HMCN2: variants seen among roughly 807,000 people sequenced by gnomAD.
HMCN2 encodes the protein hemicentin 2.
In HMCN2, 325 loss-of-function variants were observed where a neutral mutation model predicts 377.5. That is an observed-to-expected ratio of 0.86 (90% CI 0.79 to 0.94). HMCN2 has a LOEUF of 0.94. HMCN2 is among the 40% of genes least tolerant of loss of function. The pLI is 0.00. For missense variants in HMCN2, 4,543 were observed against 4,725.3 expected (o/e 0.96, Z 1.13); for synonymous variants, 2,007 against 2,046.8 (o/e 0.98, Z 0.53).
chr9:130,366,103 T>C lies in HMCN2; in HGVS notation c.6625+108T>C, dbSNP rs1010750717. The C allele has an allele frequency of 9.6e-6, 8 of 830,228 alleles. No individual in the cohort carries two copies. The Admixed American group carries it at 3.1e-4, about 32-fold the overall frequency. The allele number at this position is 830,228 out of a possible 1,614,324, so 51.4% of individuals were successfully genotyped here. A position where few individuals can be genotyped will look rare whatever the true frequency, so the allele number is the denominator to read the frequency against. On this transcript the variant is annotated intron_variant, in intron 43 of 97. Coordinates refer to ENST00000683500, the MANE Select transcript of HMCN2 (RefSeq NM_001291815.2). ...CCAGAGCCTAGCTGAGATGGGGGGGTCTTATACCTCGAGGGGGTGGGGATG... is the reference window on the plus strand; with the variant it reads ...CCAGAGCCTAGCTGAGATGGGGGGGCCTTATACCTCGAGGGGGTGGGGATG...
intron 22 of HMCN2, among the ~76,000 whole-genome samples, chr9:130,329,317 C>T (rs963306572): frequency 6.6e-6 from 1 of 152,194 alleles, no homozygotes; most frequent in African/African-American, 2.4e-5. Flanking sequence ...CAGATGAGTG[C>T]CTGCTTCCTT....
rs151108652 is a variant in HMCN2 at position 130,411,461 on chromosome 9, G to A, written c.12961+809G>A. Among the ~76,000 whole-genome samples the A allele has an allele frequency of 3.9e-3, 592 of 152,000 alleles. 6 individuals are homozygous for A. The highest frequency in any genetic ancestry group is 0.014 in the African/African-American group (578 of 41,480). On this transcript the variant is annotated intron_variant, in intron 85 of 97. Coordinates refer to ENST00000683500, the MANE Select transcript of HMCN2 (RefSeq NM_001291815.2). ...TACTAAAAATACAAAAATTAGCTGGGCGTGGTGGCACGCCTGTAATCCCAG... is the reference window on the plus strand; with the variant it reads ...TACTAAAAATACAAAAATTAGCTGGACGTGGTGGCACGCCTGTAATCCCAG...
chr9:130,356,815 C>G (rs994301959), intron 34 of HMCN2, among the ~76,000 whole-genome samples: 10 of 152,218 alleles, frequency 6.6e-5, no homozygotes, highest in Non-Finnish European at 1.5e-4. Flanking sequence ...CTGCCTTTCC[C>G]TGACTGTGTC....
At chr9:130,416,339 AG>A (rs1479999035) in intron 85 of HMCN2, among the ~76,000 whole-genome samples, 1 of 152,100 alleles carries the variant, frequency 6.6e-6, no homozygotes, top group Non-Finnish European at 1.5e-5. Flanking sequence ...TCCTGACTTA[AG>A]GTGATCCACC....
chr9:130,276,549 G>A (rs1188363958), intron 1 of HMCN2, among the ~76,000 whole-genome samples: 2 of 152,196 alleles, frequency 1.3e-5, no homozygotes, highest in Non-Finnish European at 2.9e-5. Context: ...CCATCACTGG[G>A]TGTTCAGGGA....
chr9:130,345,470 T>A (rs1839342118), intron 25 of HMCN2, among the ~76,000 whole-genome samples: 1 of 148,972 alleles, frequency 6.7e-6, no homozygotes, highest in Non-Finnish European at 1.5e-5. Flanking sequence ...GTGTATAGGG[T>A]GTGGTGTGTG....
intron 62 of HMCN2, among the ~76,000 whole-genome samples, chr9:130,389,199 G>A (rs1380276663): frequency 6.6e-6 from 1 of 152,236 alleles, no homozygotes; most frequent in Admixed American, 6.5e-5. Context: ...CTGGCTCCTC[G>A]AACCTGCCCC....
At chr9:130,321,308 G>GC (rs1314417468) in intron 18 of HMCN2, among the ~76,000 whole-genome samples, 3 of 152,192 alleles carry the variant, frequency 2.0e-5, no homozygotes, top group Admixed American at 6.5e-5. Context: ...TGAACGCACA[G>GC]TGGTTGCCTT....
chr9:130,269,370 C>T (rs1834288034), intron 1 of HMCN2, among the ~76,000 whole-genome samples: 1 of 142,686 alleles, frequency 7.0e-6, no homozygotes, highest in Non-Finnish European at 1.5e-5. Context: ...CTAAGAAACT[C>T]TCTTGTAAAA....
intron 1 of HMCN2, among the ~76,000 whole-genome samples, chr9:130,282,533 G>A (rs1835176528): frequency 6.6e-6 from 1 of 152,170 alleles, no homozygotes; most frequent in South Asian, 2.1e-4. Flanking sequence ...AGGACGTGGT[G>A]GGGATGGCCA....
At chr9:130,396,604 C>G (rs944268636) in intron 73 of HMCN2, among the ~76,000 whole-genome samples, 1 of 152,176 alleles carries the variant, frequency 6.6e-6, no homozygotes, top group Non-Finnish European at 1.5e-5. Flanking sequence ...CTCTTTCTCT[C>G]TCTTACCTTC....
chr9:130,386,995 C>T (rs374375104), intron 61 of HMCN2, among the ~76,000 whole-genome samples: 3 of 152,352 alleles, frequency 2.0e-5, no homozygotes, highest in South Asian at 4.1e-4. Flanking sequence ...CATGGACCGC[C>T]ATGACAGTGT....
chr9:130,406,387 T>G, intron 82 of HMCN2: 1 of 353,674 alleles, frequency 2.8e-6, no homozygotes, highest in Non-Finnish European at 5.6e-6. Flanking sequence ...AGAGGCCACC[T>G]GAGAAGACTC....
chr9:130,371,079 G>T lies in HMCN2; in HGVS notation c.7185G>T (p.Trp2395Cys). Residue 2395 changes from tryptophan (W) to cysteine (C), a missense_variant, in exon 46 of 98, where the codon TGG (tryptophan) becomes TGT (cysteine). Transcript: ENST00000683500. ...GGATCCCACCTCCAGCCATCCGCTG[G>T]TTCCGAGGGGAGGAGCCTGTCAGCC... The part of the protein sequence containing the change: ...AMGIPPPAIR[W>C]FRGEEPVSPG... The T allele has an allele frequency of 1.0e-6, 1 of 985,958 alleles. No homozygotes were observed. Among genetic ancestry groups the T allele is most frequent in the Non-Finnish European group, 1.2e-6 (1 of 830,012 alleles). The allele number at this position is 985,958 out of a possible 1,614,324, so 61.1% of individuals were successfully genotyped here.
rs1159216992 is a variant in HMCN2, at chr9:130,304,600, C to T, written c.1544-130C>T. The T allele has an allele frequency of 2.8e-6, 1 of 359,718 alleles. No individual in the cohort carries two copies. Among genetic ancestry groups the T allele is most frequent in the African/African-American group, 2.1e-5 (1 of 47,248 alleles). 22.3% of individuals were successfully genotyped at this position (359,718 alleles called of 1,614,324 possible). On this transcript the variant is annotated intron_variant, in intron 10 of 97. Coordinates refer to ENST00000683500, the MANE Select transcript of HMCN2 (RefSeq NM_001291815.2). The surrounding 1 kb of genome is among the most constrained non-coding windows in gnomAD (Gnocchi z 4.3). ...CTGGTCACCCTATGCTGCTAGCTGA[C>T]ATGTCCTGAATGATCTGGTTCGGGT...
chr9:130,336,678 G>T (rs1588262475), intron 22 of HMCN2, among the ~76,000 whole-genome samples: 1 of 152,140 alleles, frequency 6.6e-6, no homozygotes, highest in South Asian at 2.1e-4. Context: ...CTGGATGCTC[G>T]GGACAAAAGG....
intron 71 of HMCN2, among the ~76,000 whole-genome samples, chr9:130,395,701 A>T (rs1842574227): frequency 6.6e-6 from 1 of 151,996 alleles, no homozygotes; most frequent in Non-Finnish European, 1.5e-5. Flanking sequence ...AGGGTTGTGG[A>T]TGTTCTGACA....
intron 4 of HMCN2, among the ~76,000 whole-genome samples, chr9:130,293,842 C>A (rs1835950550): frequency 6.6e-6 from 1 of 152,164 alleles, no homozygotes; most frequent in South Asian, 2.1e-4. Flanking sequence ...CAGATTGCTG[C>A]AAAATAGTAT....
intron 43 of HMCN2, among the ~76,000 whole-genome samples, chr9:130,368,039 C>T: frequency 6.6e-6 from 1 of 151,284 alleles, no homozygotes; most frequent in East Asian, 1.9e-4. Context: ...AGATGGGGCA[C>T]CTGTAGGCAG....
Sources: allele counts gnomAD v4.1 joint callset (sites outside exome capture counted in the v4.1 genomes callset), GRCh38; gene constraint gnomAD v4.1.1; non-coding constraint Gnocchi (gnomAD v3.1); transcripts MANE v1.5; gene names NCBI Gene and HGNC (gene_info 2026-07-23, HGNC 2026-07-21).